ADAMTSL3: variants seen among roughly 807,000 people sequenced by gnomAD.
The protein encoded by ADAMTSL3 is ADAMTS-like protein 3.
In ADAMTSL3, 128 loss-of-function variants were observed where a neutral mutation model predicts 201.7. That is an observed-to-expected ratio of 0.63 (90% confidence interval 0.55 to 0.73). The LOEUF (loss-of-function observed/expected upper bound fraction) is 0.73, where lower values mean the gene tolerates loss of function less well. Ranked by LOEUF, ADAMTSL3 falls within the 30% of genes least tolerant of loss-of-function variation. ADAMTSL3 has a pLI of 0.00. For synonymous variants in ADAMTSL3, 738 were observed against 748.4 expected, an observed-to-expected ratio of 0.99 and a Z score of 0.23; for missense variants, 1,990 against 2,119.6, an observed-to-expected ratio of 0.94 and a Z score of 1.20.
rs201402612 is a variant in ADAMTSL3, at chr15:83,908,396, A to G, written c.1701-4696A>G. Among the ~76,000 whole-genome samples, 11 of 152,338 alleles carry G rather than the reference A, an allele frequency of 7.2e-5. No homozygotes were observed. The East Asian group carries it at 1.9e-3, about 27-fold the overall frequency. Reference sequence around the variant, plus strand: ...GGAATAAGAATGCAATGAATGTCTGATGTTACTTTTTTATTTTATTGTACT... The same window carrying G: ...GGAATAAGAATGCAATGAATGTCTGGTGTTACTTTTTTATTTTATTGTACT... On this transcript the variant is annotated intron_variant, in intron 15 of 29. Coordinates refer to ENST00000286744, the MANE Select transcript of ADAMTSL3 (RefSeq NM_207517.3).
chr15:83,899,650 A>C lies in ADAMTSL3; in HGVS notation c.1619A>C (p.Lys540Thr). 1 of 1,610,956 alleles carries C rather than the reference A, an allele frequency of 6.2e-7. No homozygotes were observed. The highest frequency in any genetic ancestry group is 8.5e-7 in the Non-Finnish European group (1 of 1,178,062). Reference protein sequence around the residue: ...IPIPCYKPKEKSPVEAKLPWL... With the variant: ...IPIPCYKPKETSPVEAKLPWL... ...GTTTATGTTCTCTTTTTCTTAGAAA[A>C]AAGTCCAGTGGAAGCAAAATTGCCT... is the stretch of plus-strand genomic sequence containing the variant. Residue 540 changes from lysine to threonine, a missense_variant, in exon 15 of 30, where the codon AAA becomes ACA. Physicochemically the swap from Lys to Thr is moderately conservative, Grantham distance 78. Coordinates refer to ENST00000286744, the MANE Select transcript of ADAMTSL3 (RefSeq NM_207517.3).
chr15:83,835,452 A>G (rs1345311605), intron 6 of ADAMTSL3, among the ~76,000 whole-genome samples: 1 of 152,124 alleles, frequency 6.6e-6, no homozygotes, highest in East Asian at 1.9e-4. Context: ...TATGAAGCAA[A>G]TATCAGTGCT....
At chr15:83,815,460 A>G (rs573118779) in intron 5 of ADAMTSL3, among the ~76,000 whole-genome samples, 3 of 152,358 alleles carry the variant, frequency 2.0e-5, no homozygotes, top group South Asian at 2.1e-4. Context: ...CCCATCAAGT[A>G]TATTTCATAA....
chr15:83,733,612 T>A (rs2062318805), intron 3 of ADAMTSL3, among the ~76,000 whole-genome samples: 1 of 152,184 alleles, frequency 6.6e-6, no homozygotes, highest in Non-Finnish European at 1.5e-5. Flanking sequence ...TGTAATATGC[T>A]GCATTTTAGT....
chr15:83,864,284 A>G (rs1355450013), intron 8 of ADAMTSL3, among the ~76,000 whole-genome samples: 1 of 152,198 alleles, frequency 6.6e-6, no homozygotes, highest in African/African-American at 2.4e-5. Flanking sequence ...TCATCCTGAT[A>G]CCAAAGCCTG....
intron 7 of ADAMTSL3, among the ~76,000 whole-genome samples, chr15:83,856,016 A>C (rs1476581193): frequency 6.6e-6 from 1 of 152,144 alleles, no homozygotes; most frequent in African/African-American, 2.4e-5. Flanking sequence ...GTCTCAAAAA[A>C]CAAAAACAAA....
intron 4 of ADAMTSL3, among the ~76,000 whole-genome samples, chr15:83,798,295 C>T (rs1445998546): frequency 6.6e-6 from 1 of 152,158 alleles, no homozygotes; most frequent in Non-Finnish European, 1.5e-5. Flanking sequence ...TTTGCCTGCT[C>T]CCTGAGCTCA....
chr15:83,981,527 T>C (rs1490895842), intron 20 of ADAMTSL3, among the ~76,000 whole-genome samples: 1 of 152,234 alleles, frequency 6.6e-6, no homozygotes, highest in Non-Finnish European at 1.5e-5. Context: ...ACTAACATTA[T>C]TCACATTTCA....
intron 23 of ADAMTSL3, among the ~76,000 whole-genome samples, chr15:84,011,894 A>G (rs190124511): frequency 2.0e-4 from 30 of 152,366 alleles, no homozygotes; most frequent in African/African-American, 7.0e-4. Flanking sequence ...TAAGAGATGT[A>G]TAACATCTAC....
intron 17 of ADAMTSL3, among the ~76,000 whole-genome samples, chr15:83,940,429 G>A (rs2066537871): frequency 6.6e-6 from 1 of 152,172 alleles, no homozygotes; most frequent in Non-Finnish European, 1.5e-5. Context: ...TTCCTGACTT[G>A]CAGACAGCAG....
intron 6 of ADAMTSL3, among the ~76,000 whole-genome samples, chr15:83,835,020 A>C (rs186701410): frequency 3.9e-5 from 6 of 151,976 alleles, no homozygotes; most frequent in Non-Finnish European, 8.8e-5. Flanking sequence ...AGATCACGAG[A>C]TCAGGAGATC....
intron 19 of ADAMTSL3, among the ~76,000 whole-genome samples, chr15:83,966,681 A>G (rs890037797): frequency 6.6e-5 from 10 of 152,218 alleles, no homozygotes; most frequent in Non-Finnish European, 1.2e-4. Context: ...TCATTTTATG[A>G]GGACAGCATC....
chr15:83,957,013 T>TA (rs985476857), intron 19 of ADAMTSL3, among the ~76,000 whole-genome samples: 3 of 152,126 alleles, frequency 2.0e-5, no homozygotes, highest in Admixed American at 6.5e-5. Flanking sequence ...TACAACCATG[T>TA]AAAAAATGCC....
intron 22 of ADAMTSL3, 114 bp downstream of exon 22, chr15:83,988,932 A>T: frequency 1.6e-6 from 1 of 617,872 alleles, no homozygotes; most frequent in Non-Finnish European, 2.1e-6. Flanking sequence ...CCCAGGCTGG[A>T]GTGCAGTGGC....
At chr15:83,659,825 A>G (rs2061138773) in intron 2 of ADAMTSL3, among the ~76,000 whole-genome samples, 1 of 152,164 alleles carries the variant, frequency 6.6e-6, no homozygotes, top group African/African-American at 2.4e-5. Context: ...AGACTGGGAG[A>G]ATGTAGCCAG....
At chr15:83,814,110 A>C (rs1175736187) in intron 5 of ADAMTSL3, among the ~76,000 whole-genome samples, 1 of 152,184 alleles carries the variant, frequency 6.6e-6, no homozygotes, top group Admixed American at 6.5e-5. Flanking sequence ...TTGACTTTAC[A>C]GAAGGGACAT....
chr15:83,699,967 T>A (rs950529794), intron 2 of ADAMTSL3, among the ~76,000 whole-genome samples: 30 of 152,252 alleles, frequency 2.0e-4, no homozygotes, highest in Non-Finnish European at 3.5e-4. Flanking sequence ...TTCTTATTTA[T>A]GTATTTGTTT....
chr15:83,901,195 A>G (rs1447491839), intron 15 of ADAMTSL3, among the ~76,000 whole-genome samples: 1 of 152,186 alleles, frequency 6.6e-6, no homozygotes, highest in Non-Finnish European at 1.5e-5. Flanking sequence ...ATGGCTTCAC[A>G]GTATTTGAGT....
chr15:83,773,488 G>GT (rs59307086), intron 3 of ADAMTSL3, 35 bp from the exon 4 acceptor site: 163,288 of 1,326,564 alleles, frequency 0.12, 3,728 homozygotes, highest in Non-Finnish European at 0.14. Flanking sequence ...TTATTGTGTG[G>GT]TTTTTTTTTT....
Sources: gnomAD v4.1 joint callset for allele counts (sites outside exome capture counted in the v4.1 genomes callset) on GRCh38, gnomAD v4.1.1 for gene constraint, MANE v1.5 for transcripts, NCBI Gene and HGNC (gene_info 2026-07-23, HGNC 2026-07-21) for gene names.